RGS6: variants seen among roughly 807,000 people sequenced by gnomAD.
RGS6 encodes the protein regulator of G protein signaling 6, also known as regulator of G-protein signaling 6.
RGS6 carries 30 observed loss-of-function variants against 78.5 expected under a neutral mutation model. The ratio of observed to expected loss-of-function variants is 0.38; its 90% confidence interval spans 0.29 to 0.52. RGS6 has a LOEUF of 0.52. RGS6 is among the 20% of genes least tolerant of loss of function. The probability of loss-of-function intolerance (pLI) is 0.85; values close to 1 mark genes in which losing one functional copy is unlikely to be tolerated. For synonymous variants in RGS6, 206 were observed against 206.0 expected, an observed-to-expected ratio of 1.00 and a Z score of 0.00; for missense variants, 495 against 609.7, an observed-to-expected ratio of 0.81 and a Z score of 1.98.
intron 3 of RGS6, among the ~76,000 whole-genome samples, chr14:72,390,222 T>G (rs1345171148): frequency 2.0e-5 from 3 of 151,898 alleles, no homozygotes; most frequent in Admixed American, 2.0e-4. Flanking sequence ...CTCAGCCTCC[T>G]GAGTAGCTGG....
At chr14:72,296,162 G>T (rs1415115779) in intron 2 of RGS6, among the ~76,000 whole-genome samples, 6 of 152,116 alleles carry the variant, frequency 3.9e-5, no homozygotes, top group Non-Finnish European at 7.4e-5. Flanking sequence ...ATATTTTTGA[G>T]ATTTATCCAT....
intron 2 of RGS6, among the ~76,000 whole-genome samples, chr14:72,205,210 A>G (rs2042442061): frequency 6.6e-6 from 1 of 151,736 alleles, no homozygotes; most frequent in Non-Finnish European, 1.5e-5. Flanking sequence ...GAGTGGATCC[A>G]CCCCTCCCTC....
intron 3 of RGS6, among the ~76,000 whole-genome samples, chr14:72,438,977 G>A (rs2095066180): frequency 6.6e-6 from 1 of 152,188 alleles, no homozygotes; most frequent in Non-Finnish European, 1.5e-5. Context: ...TGGAGATCTG[G>A]CCTTGGCTGT....
chr14:71,883,813 A>T, the RGS6 span, among the ~76,000 whole-genome samples: 1 of 152,230 alleles, frequency 6.6e-6, no homozygotes, highest in Non-Finnish European at 1.5e-5. Context: ...GACAGTTTAC[A>T]GATGCCTTGG....
At chr14:72,376,384 G>A (rs1160435171) in intron 3 of RGS6, among the ~76,000 whole-genome samples, 1 of 152,168 alleles carries the variant, frequency 6.6e-6, no homozygotes, top group Non-Finnish European at 1.5e-5. Context: ...ACAAATATTT[G>A]CATTGTGGAC....
chr14:72,557,620 T>G (rs2097599760), intron 17 of RGS6, among the ~76,000 whole-genome samples: 1 of 152,142 alleles, frequency 6.6e-6, no homozygotes, highest in Non-Finnish European at 1.5e-5. Context: ...TTGAGCACCA[T>G]CTATTCAAAG....
intron 2 of RGS6, among the ~76,000 whole-genome samples, chr14:72,093,544 T>C (rs2095331885): frequency 6.6e-6 from 1 of 152,232 alleles, no homozygotes; most frequent in African/African-American, 2.4e-5. Context: ...GCCCCCAGCC[T>C]GCTTTGCACA....
chr14:72,113,538 A>G (rs2095819400), intron 2 of RGS6, among the ~76,000 whole-genome samples: 1 of 152,130 alleles, frequency 6.6e-6, no homozygotes, highest in African/African-American at 2.4e-5. Context: ...ATGTGGTTTT[A>G]TTTTATAGAA....
intron 2 of RGS6, among the ~76,000 whole-genome samples, chr14:72,334,465 C>T (rs924422921): frequency 1.3e-5 from 2 of 152,232 alleles, no homozygotes; most frequent in Admixed American, 6.5e-5. Context: ...CTTCACCCCT[C>T]CCCCATGAAA....
At chr14:72,131,537 C>G (rs1304512454) in intron 2 of RGS6, among the ~76,000 whole-genome samples, 2 of 152,154 alleles carry the variant, frequency 1.3e-5, no homozygotes, top group Non-Finnish European at 1.5e-5. Flanking sequence ...AGTTTTGTCT[C>G]CCTGTCTCAC....
intron 2 of RGS6, among the ~76,000 whole-genome samples, chr14:72,266,907 G>A (rs2059153416): frequency 6.6e-6 from 1 of 152,148 alleles, no homozygotes; most frequent in Non-Finnish European, 1.5e-5. Flanking sequence ...GCCAATGGTG[G>A]CCTGCAGGCT....
At chr14:72,370,316 G>C (rs983533398) in intron 3 of RGS6, among the ~76,000 whole-genome samples, 3 of 152,152 alleles carry the variant, frequency 2.0e-5, no homozygotes, top group Non-Finnish European at 4.4e-5. Flanking sequence ...CCTGTCAGAC[G>C]ATGCCTTTAT....
At chr14:72,410,135 C>A (rs2093294699) in intron 3 of RGS6, among the ~76,000 whole-genome samples, 1 of 152,208 alleles carries the variant, frequency 6.6e-6, no homozygotes, top group South Asian at 2.1e-4. Context: ...TGAGGAATCG[C>A]CACACCAACT....
intron 2 of RGS6, among the ~76,000 whole-genome samples, chr14:72,312,540 A>T (rs796665914): frequency 6.6e-6 from 1 of 152,174 alleles, no homozygotes; most frequent in Non-Finnish European, 1.5e-5. Flanking sequence ...AAGTGTCCAG[A>T]TCTTCTTGGG....
At chr14:72,225,904 T>C (rs931299470) in intron 2 of RGS6, among the ~76,000 whole-genome samples, 6 of 152,218 alleles carry the variant, frequency 3.9e-5, no homozygotes, top group African/African-American at 1.4e-4. Flanking sequence ...ATGCTTCAGC[T>C]CATTCCATAA....
At chr14:72,070,659 G>T (rs2094375545) in intron 2 of RGS6, among the ~76,000 whole-genome samples, 1 of 152,136 alleles carries the variant, frequency 6.6e-6, no homozygotes, top group Non-Finnish European at 1.5e-5. Context: ...GCTAGCCCAT[G>T]TGGCTCCACT....
rs529865363 is a variant in RGS6 at position 72,551,916 on chromosome 14, T to A, written c.1423-10501T>A. On this transcript the variant is annotated intron_variant, in intron 17 of 17. Transcript: ENST00000553525. ...AGTTTCCTCATCCATAAAAGGGAGA[T>A]AAGAGTAAATAAGTAGGAATAAAAT... Among the ~76,000 whole-genome samples, 19 of 152,334 alleles carry A rather than the reference T, an allele frequency of 1.2e-4. No homozygotes were observed. The South Asian group carries it at 3.1e-3, about 25-fold the overall frequency.
the RGS6 span, chr14:72,620,017 G>A: frequency 4.0e-6 from 6 of 1,508,594 alleles, no homozygotes; most frequent in African/African-American, 5.6e-5. Context: ...CAGAGGAGGA[G>A]AGATTCCATT....
the RGS6 span, among the ~76,000 whole-genome samples, chr14:72,613,268 G>A: frequency 0.3 from 45,109 of 151,952 alleles, 8,074 homozygotes; most frequent in East Asian, 0.68. Context: ...CTGCCCTCCC[G>A]TCCCCACCAT....
Sources: allele counts gnomAD v4.1 joint callset (sites outside exome capture counted in the v4.1 genomes callset), GRCh38; gene constraint gnomAD v4.1.1; transcripts MANE v1.5; gene names NCBI Gene and HGNC (gene_info 2026-07-23, HGNC 2026-07-21).